Variants in NRXN3 observed in about 807,000 individuals in gnomAD.
The protein encoded by NRXN3 is neurexin III.
A neutral mutation model predicts 137.6 loss-of-function variants in NRXN3; 32 were observed. The ratio of observed to expected loss-of-function variants is 0.23; its 90% CI spans 0.18 to 0.31. The LOEUF (loss-of-function observed/expected upper bound fraction) is 0.31. NRXN3 is among the 10% of genes least tolerant of loss of function. The pLI, the probability that NRXN3 is intolerant of heterozygous loss-of-function variation, is 1.00. For synonymous variants in NRXN3, 798 were observed against 784.5 expected, an observed-to-expected ratio of 1.02 and a Z score of -0.29; for missense variants, 1,574 against 2,062.5, an observed-to-expected ratio of 0.76 and a Z score of 4.59.
chr14:78,214,096 C>T (rs1490959830), intron 1 of NRXN3, among the ~76,000 whole-genome samples: 1 of 152,194 alleles, frequency 6.6e-6, no homozygotes, highest in Admixed American at 6.5e-5. Flanking sequence ...ATAAAGACTG[C>T]ACCCTTTATC....
intron 4 of NRXN3, among the ~76,000 whole-genome samples, chr14:78,469,761 C>T (rs17107687): frequency 0.021 from 3,174 of 152,242 alleles, 100 homozygotes; most frequent in African/African-American, 0.073. Flanking sequence ...CCATTCAAAC[C>T]GAGCTTTCTT....
chr14:79,842,160 G>A (rs1221164047), intron 20 of NRXN3, among the ~76,000 whole-genome samples: 2 of 152,128 alleles, frequency 1.3e-5, no homozygotes, highest in South Asian at 2.1e-4. Flanking sequence ...TGTGGACTGC[G>A]GACAAAGACA....
At chr14:78,636,543 T>A (rs183797415) in intron 4 of NRXN3, among the ~76,000 whole-genome samples, 13 of 152,144 alleles carry the variant, frequency 8.5e-5, no homozygotes, top group Non-Finnish European at 1.3e-4. Flanking sequence ...TCCAAAATGA[T>A]CTCTTCTGGG....
In NRXN3 at chr14:78,751,371, T is replaced by G. The variant is rs181487566; in HGVS notation, c.2044+36232T>G. Reference sequence around the variant, plus strand: ...TAATTAATTACAAATTGCCCCCCAGTGTGGTGATGTGCACTTGGGGATAGA... The same window carrying G: ...TAATTAATTACAAATTGCCCCCCAGGGTGGTGATGTGCACTTGGGGATAGA... On this transcript the variant is annotated intron_variant, in intron 8 of 20. Coordinates refer to ENST00000335750, the MANE Select transcript of NRXN3 (RefSeq NM_001330195.2). Among the ~76,000 whole-genome samples the G allele has an allele frequency of 2.6e-3, 390 of 152,332 alleles. 3 individuals carry two copies. Among genetic ancestry groups the G allele is most frequent in the Non-Finnish European group, 3.9e-3 (268 of 68,028 alleles).
At chr14:79,017,549 C>T (rs1032492216) in intron 15 of NRXN3, among the ~76,000 whole-genome samples, 2 of 152,024 alleles carry the variant, frequency 1.3e-5, no homozygotes, top group African/African-American at 4.8e-5. Context: ...GGGAAAGTCA[C>T]TCTAGACAAG....
chr14:79,328,277 A>C (rs2091196047), intron 15 of NRXN3, among the ~76,000 whole-genome samples: 1 of 152,228 alleles, frequency 6.6e-6, no homozygotes, highest in Non-Finnish European at 1.5e-5. Context: ...ATTCAGCACC[A>C]GTGGTGAATA....
chr14:78,590,935 A>G lies in NRXN3; in HGVS notation c.758-54185A>G, dbSNP rs1172117296. Among the ~76,000 whole-genome samples, 5 of 152,278 alleles carry G rather than the reference A, an allele frequency of 3.3e-5. No individual in the cohort carries two copies. The South Asian group carries it at 6.2e-4, about 19-fold the overall frequency. On this transcript the variant is annotated intron_variant, in intron 4 of 20. Transcript: ENST00000335750. ...CAAACAAACAAAAAACCAAAAAAGAATGGTAAATTCCAATTAACAACAGGA... is the reference window on the plus strand; with the variant it reads ...CAAACAAACAAAAAACCAAAAAAGAGTGGTAAATTCCAATTAACAACAGGA...
intron 1 of NRXN3, among the ~76,000 whole-genome samples, chr14:78,241,388 G>A (rs1275283001): frequency 2.6e-5 from 4 of 152,140 alleles, no homozygotes; most frequent in Non-Finnish European, 4.4e-5. Flanking sequence ...CCAGCACTTT[G>A]GGAGGCCTAG....
At chr14:78,542,746 G>A (rs547459284) in intron 4 of NRXN3, among the ~76,000 whole-genome samples, 1 of 152,330 alleles carries the variant, frequency 6.6e-6, no homozygotes, top group South Asian at 2.1e-4. Context: ...AGTTGGAAAT[G>A]CAGAAATCAC....
Position 78,800,959 on chromosome 14 carries a change from C to T in NRXN3, c.2045-2661C>T, listed in dbSNP as rs118055831. 1.7e-3 allele frequency among the ~76,000 whole-genome samples: 263 copies of T among 152,274 alleles called. 6 individuals are homozygous for T. In the East Asian group the frequency reaches 0.035, roughly 20 times the overall value. Reference sequence around the variant, plus strand: ...TTGATTTTATTCCGGTCTCAAACTACCTTACATGATAACCATTTTAAAAAT... The same window carrying T: ...TTGATTTTATTCCGGTCTCAAACTATCTTACATGATAACCATTTTAAAAAT... On this transcript the variant is annotated intron_variant, in intron 8 of 20. Coordinates refer to ENST00000335750, the MANE Select transcript of NRXN3 (RefSeq NM_001330195.2).
chr14:79,783,665 G>C (rs1426709528), intron 19 of NRXN3, among the ~76,000 whole-genome samples: 2 of 152,102 alleles, frequency 1.3e-5, no homozygotes, highest in African/African-American at 4.8e-5. Flanking sequence ...ATGAAAATGT[G>C]ATAGAAAGTA....
chr14:78,338,002 G>A (rs962922932), intron 4 of NRXN3, among the ~76,000 whole-genome samples: 1 of 152,082 alleles, frequency 6.6e-6, no homozygotes, highest in African/African-American at 2.4e-5. Context: ...TACATGGATG[G>A]GGGGATGGAG....
chr14:78,933,929 C>T (rs564513339), intron 10 of NRXN3, among the ~76,000 whole-genome samples: 1 of 152,128 alleles, frequency 6.6e-6, no homozygotes, highest in South Asian at 2.1e-4. Flanking sequence ...ACTCCCCACC[C>T]CCAACCACCC....
intron 19 of NRXN3, among the ~76,000 whole-genome samples, chr14:79,785,839 A>G (rs1236009934): frequency 1.3e-5 from 2 of 152,092 alleles, no homozygotes; most frequent in Non-Finnish European, 2.9e-5. Context: ...TTATTCCCCG[A>G]CAAATTGACT....
At chr14:79,009,362 C>G (rs1476514129) in intron 15 of NRXN3, among the ~76,000 whole-genome samples, 1 of 152,138 alleles carries the variant, frequency 6.6e-6, no homozygotes, top group East Asian at 1.9e-4. Flanking sequence ...TATTTTGCTT[C>G]TTGGTTAGCT....
At chr14:78,834,475 A>T (rs904818591) in intron 10 of NRXN3, among the ~76,000 whole-genome samples, 1 of 152,160 alleles carries the variant, frequency 6.6e-6, no homozygotes, top group Non-Finnish European at 1.5e-5. Context: ...TAAAAAGCTG[A>T]AGCAAAAAGT....
chr14:79,691,437 A>G (rs1034069471), intron 17 of NRXN3, among the ~76,000 whole-genome samples: 1 of 152,074 alleles, frequency 6.6e-6, no homozygotes, highest in African/African-American at 2.4e-5. Context: ...TCGGTGCTCA[A>G]AAGTCTACAA....
rs368534863 is a variant in NRXN3 at position 79,056,578 on chromosome 14, T to C, written c.3262+68437T>C. ...TATTAATTAAGATGGTAAAACTAGCTGAAGGGATAATTAGAGGGAAGAGTT... is the reference window on the plus strand; with the variant it reads ...TATTAATTAAGATGGTAAAACTAGCCGAAGGGATAATTAGAGGGAAGAGTT... On this transcript the variant is annotated intron_variant, in intron 15 of 20. Transcript: ENST00000335750. 4.6e-5 allele frequency among the ~76,000 whole-genome samples: 7 copies of C among 152,276 alleles called. 1 individual carries two copies. Among genetic ancestry groups the C allele is most frequent in the African/African-American group, 1.7e-4 (7 of 41,544 alleles).
chr14:79,040,419 G>A (rs573542640), intron 15 of NRXN3, among the ~76,000 whole-genome samples: 10 of 152,244 alleles, frequency 6.6e-5, no homozygotes, highest in South Asian at 2.1e-4. Context: ...GAAAAAGATG[G>A]GTGAAGAAGA....
Sources: allele counts gnomAD v4.1 joint callset (sites outside exome capture counted in the v4.1 genomes callset), GRCh38; gene constraint gnomAD v4.1.1; transcripts MANE v1.5; gene names NCBI Gene and HGNC (gene_info 2026-07-23, HGNC 2026-07-21).